The following SHISA9 variants were observed in gnomAD, a reference collection of about 807,000 sequenced individuals.
SHISA9 encodes protein shisa-9.
Under a neutral mutation model 38.0 loss-of-function variants are expected in SHISA9, and 13 were observed. The observed-to-expected ratio is 0.34, with a 90% CI of 0.22 to 0.54. The LOEUF (loss-of-function observed/expected upper bound fraction) is 0.54. Among genes scored for constraint, SHISA9 ranks in the 20% least tolerant of loss-of-function variants. The probability of loss-of-function intolerance (pLI) is 0.91; values close to 1 mark genes in which losing one functional copy is unlikely to be tolerated. For synonymous variants in SHISA9, 275 were observed against 242.0 expected, an observed-to-expected ratio of 1.14 and a Z score of -1.27; for missense variants, 538 against 575.8, an observed-to-expected ratio of 0.93 and a Z score of 0.67.
chr16:13,512,645 T>C, the SHISA9 span, among the ~76,000 whole-genome samples: 1 of 152,184 alleles, frequency 6.6e-6, no homozygotes, highest in South Asian at 2.1e-4. Context: ...AGGATGGTAC[T>C]GGTACCAAAA....
At chr16:13,208,522 A>C (rs1204157889) in intron 3 of SHISA9, among the ~76,000 whole-genome samples, 3 of 147,554 alleles carry the variant, frequency 2.0e-5, no homozygotes, top group South Asian at 4.3e-4. Flanking sequence ...GCTCACCACA[A>C]CCGCCGCCTC....
chr16:13,448,041 C>T, the SHISA9 span, among the ~76,000 whole-genome samples: 1 of 152,174 alleles, frequency 6.6e-6, no homozygotes, highest in Non-Finnish European at 1.5e-5. Flanking sequence ...TCGTTAGTCA[C>T]AGAAGCATTA....
At chr16:13,133,984 A>C (rs1300651835) in intron 2 of SHISA9, among the ~76,000 whole-genome samples, 1 of 152,212 alleles carries the variant, frequency 6.6e-6, no homozygotes, top group Non-Finnish European at 1.5e-5. Flanking sequence ...CCTACTGACA[A>C]TGTACTCTAT....
At chr16:13,206,519 G>A (rs2051065455) in intron 3 of SHISA9, among the ~76,000 whole-genome samples, 1 of 152,118 alleles carries the variant, frequency 6.6e-6, no homozygotes, top group African/African-American at 2.4e-5. Context: ...AAGCATTTTG[G>A]TGCCTAGCAT....
At chr16:12,931,869 C>T (rs530286544) in intron 2 of SHISA9, among the ~76,000 whole-genome samples, 5 of 152,120 alleles carry the variant, frequency 3.3e-5, no homozygotes, top group Admixed American at 6.5e-5. Context: ...GTAATGATAT[C>T]GTTTGGCTGT....
At chr16:13,230,227 T>A (rs1341056770) in intron 4 of SHISA9, among the ~76,000 whole-genome samples, 1 of 152,170 alleles carries the variant, frequency 6.6e-6, no homozygotes, top group Non-Finnish European at 1.5e-5. Context: ...TCTTCATATT[T>A]CAAGTGTCCA....
At chr16:12,936,140 G>A (rs190480317) in intron 2 of SHISA9, among the ~76,000 whole-genome samples, 25 of 152,254 alleles carry the variant, frequency 1.6e-4, no homozygotes, top group Admixed American at 9.2e-4. Context: ...CAGGTGCTTC[G>A]TTGGGTTCTT....
At chr16:13,440,628 T>G in the SHISA9 span, among the ~76,000 whole-genome samples, 1 of 152,172 alleles carries the variant, frequency 6.6e-6, no homozygotes, top group African/African-American at 2.4e-5. Context: ...TGTGCTTTGA[T>G]TAAAAAAGGG....
At chr16:13,427,691 GAA>G in the SHISA9 span, among the ~76,000 whole-genome samples, 3 of 152,200 alleles carry the variant, frequency 2.0e-5, no homozygotes, top group African/African-American at 7.2e-5. Context: ...GAACTTGAGA[GAA>G]AGAGATGAGT....
intron 2 of SHISA9, among the ~76,000 whole-genome samples, chr16:13,125,445 A>G (rs987410872): frequency 2.6e-5 from 4 of 152,100 alleles, no homozygotes; most frequent in Non-Finnish European, 5.9e-5. Flanking sequence ...CACCTCTTTG[A>G]GTCTCTACTT....
chr16:13,134,119 C>T (rs530458570), intron 2 of SHISA9, among the ~76,000 whole-genome samples: 1 of 152,164 alleles, frequency 6.6e-6, no homozygotes, highest in Non-Finnish European at 1.5e-5. Context: ...TGCTGCACAA[C>T]AGCACAGTGG....
chr16:13,494,276 C>G, the SHISA9 span, among the ~76,000 whole-genome samples: 1 of 152,166 alleles, frequency 6.6e-6, no homozygotes, highest in African/African-American at 2.4e-5. Flanking sequence ...GTCTGTCCAA[C>G]AGCAGAATAG....
chr16:13,500,023 G>T, the SHISA9 span, among the ~76,000 whole-genome samples: 1 of 152,214 alleles, frequency 6.6e-6, no homozygotes, highest in Admixed American at 6.5e-5. Flanking sequence ...TGGTGTGATA[G>T]ATGCTTGATG....
chr16:13,311,876 T>C, the SHISA9 span, among the ~76,000 whole-genome samples: 3 of 152,178 alleles, frequency 2.0e-5, no homozygotes, highest in Admixed American at 6.5e-5. Context: ...ATAGTAACTA[T>C]AGGATTGCTG....
intron 2 of SHISA9, among the ~76,000 whole-genome samples, chr16:13,165,207 A>C (rs1014797113): frequency 1.3e-5 from 2 of 152,080 alleles, no homozygotes; most frequent in African/African-American, 4.8e-5. Context: ...CCCTAGGAAC[A>C]CTGATTCTAT....
chr16:13,301,991 C>T, the SHISA9 span, among the ~76,000 whole-genome samples: 1 of 152,090 alleles, frequency 6.6e-6, no homozygotes, highest in East Asian at 1.9e-4. Context: ...TTTACTATTG[C>T]AGAGAGAATG....
the SHISA9 span, among the ~76,000 whole-genome samples, chr16:13,555,878 G>C: frequency 6.6e-6 from 1 of 152,126 alleles, no homozygotes; most frequent in African/African-American, 2.4e-5. Flanking sequence ...TAGGACTTTG[G>C]GGAATCAAAT....
At chr16:13,018,292 G>A (rs1381542448) in intron 2 of SHISA9, among the ~76,000 whole-genome samples, 1 of 152,234 alleles carries the variant, frequency 6.6e-6, no homozygotes, top group African/African-American at 2.4e-5. Context: ...AATCTAGCAA[G>A]AGGGATCTGG....
intron 2 of SHISA9, among the ~76,000 whole-genome samples, chr16:13,057,018 C>A (rs1331706171): frequency 6.6e-6 from 1 of 152,148 alleles, no homozygotes; most frequent in Non-Finnish European, 1.5e-5. Flanking sequence ...GTATGGGGCG[C>A]CCCCGATCCA....
Sources: gnomAD v4.1 joint callset for allele counts (sites outside exome capture counted in the v4.1 genomes callset) on GRCh38, gnomAD v4.1.1 for gene constraint, MANE v1.5 for transcripts, NCBI Gene and HGNC (gene_info 2026-07-23, HGNC 2026-07-21) for gene names.